The following REN variants were observed in gnomAD, a reference collection of about 807,000 sequenced individuals.
REN encodes angiotensin-forming enzyme.
Under a neutral mutation model 48.6 loss-of-function variants are expected in REN, and 42 were observed. The ratio of observed to expected loss-of-function variants is 0.86; its 90% CI spans 0.68 to 1.12. The LOEUF (loss-of-function observed/expected upper bound fraction) is 1.12. REN is among the 50% of genes most tolerant of loss of function. REN has a pLI of 0.00. For missense variants in REN, 443 were observed against 527.3 expected (o/e 0.84, Z 1.57); for synonymous variants, 196 against 204.6 (o/e 0.96, Z 0.36).
chr1:204,162,041 G>T lies in REN; in HGVS notation c.221C>A (p.Ser74Tyr), dbSNP rs536696119. The change falls in exon 2 of 10, where the codon TCC becomes TAC. Residue 74 changes from serine to tyrosine, a missense_variant. Physicochemically the swap from Ser to Tyr is moderately radical, Grantham distance 144. Coordinates refer to ENST00000272190, the MANE Select transcript of REN (RefSeq NM_000537.4). The stretch of plus-strand genomic sequence containing the variant: ...CATGTAGTTGGTGAGGATCACGGAG[G>T]AGGTGGTGTTGCCAAGTGTCAGCCT... Reference protein sequence around the residue: ...MKRLTLGNTTSSVILTNYMDT... With the variant: ...MKRLTLGNTTYSVILTNYMDT... The T allele has an allele frequency of 6.1e-5, 98 of 1,614,210 alleles. No individual in the cohort carries two copies. The highest frequency in any genetic ancestry group is 1.6e-4 in the Middle Eastern group (1 of 6,062).
chr1:204,161,481 C>T (rs1658246288), intron 2 of REN, 66 bp from the exon 3 acceptor site: 1 of 1,367,826 alleles, frequency 7.3e-7, no homozygotes, highest in Non-Finnish European at 9.5e-7. Flanking sequence ...TCTTGCCTGG[C>T]TTCACTCTTG....
intron 3 of REN, among the ~76,000 whole-genome samples, chr1:204,161,089 C>T (rs1002274717): frequency 5.3e-5 from 8 of 151,770 alleles, no homozygotes; most frequent in African/African-American, 9.7e-5. Context: ...GTTCTTGGAC[C>T]TTTTTTTGTT....
At chr1:204,158,501 T>C (rs1197496191) in intron 5 of REN, among the ~76,000 whole-genome samples, 1 of 149,224 alleles carries the variant, frequency 6.7e-6, no homozygotes, top group Non-Finnish European at 1.5e-5. Flanking sequence ...CACTGAAGCC[T>C]TAACTCCTGG....
Position 204,156,384 on chromosome 1 carries a change from A to G in REN, c.819-65T>C. 1.1e-6 allele frequency: 1 copy of G among 949,858 alleles called. No homozygotes were observed. The highest frequency in any genetic ancestry group is 1.6e-6 in the Non-Finnish European group (1 of 644,196). The allele number at this position is 949,858 out of a possible 1,614,324, so 58.8% of individuals were successfully genotyped here. A position where few individuals can be genotyped will look rare whatever the true frequency, so the allele number is the denominator to read the frequency against. The stretch of plus-strand genomic sequence containing the variant: ...GACAGAAGGCTGATGGGGCACCTCC[A>G]GGCTGCATGTCCTTCCTGAGTGTGG... On this transcript the variant is annotated intron_variant, in intron 7 of 9. Coordinates refer to ENST00000272190, the MANE Select transcript of REN (RefSeq NM_000537.4). This position sits in a 1 kb window ranked among gnomAD's most constrained non-coding sequence, Gnocchi z 4.2.
In REN at chr1:204,162,043, G is replaced by A. The variant is rs1368051610; in HGVS notation, c.219C>T (p.Thr73=). Residue 73 remains threonine (T), a synonymous_variant, in exon 2 of 10, where the codon ACC becomes ACT. Coordinates refer to ENST00000272190, the MANE Select transcript of REN (RefSeq NM_000537.4). ...TGTAGTTGGTGAGGATCACGGAGGA[G>A]GTGGTGTTGCCAAGTGTCAGCCTCT... The part of the protein sequence containing the change: ...PMKRLTLGNT[T]SSVILTNYMD... The A allele has an allele frequency of 6.2e-7, 1 of 1,614,070 alleles. No individual in the cohort carries two copies. Among genetic ancestry groups the A allele is most frequent in the East Asian group, 2.2e-5 (1 of 44,896 alleles).
chr1:204,166,106 G>A, intron 1 of REN, 90 bp downstream of exon 1: 1 of 1,055,688 alleles, frequency 9.5e-7, no homozygotes, highest in Non-Finnish European at 1.5e-6. Context: ...CGTAAGGACT[G>A]AATGACACCG....
chr1:204,162,560 C>T (rs11571107), intron 1 of REN, among the ~76,000 whole-genome samples: 2,396 of 152,286 alleles, frequency 0.016, 41 homozygotes, highest in African/African-American at 0.055. Context: ...CTCCACCTGG[C>T]GGGAGGACAG....
In REN at chr1:204,159,669, A is replaced by G. The variant is rs188447061; in HGVS notation, c.493-74T>C. The G allele has an allele frequency of 4.5e-6, 6 of 1,331,634 alleles. No homozygotes were observed. In the East Asian group the frequency reaches 1.2e-4, roughly 26 times the overall value. The allele number at this position is 1,331,634 out of a possible 1,614,324, so 82.5% of individuals were successfully genotyped here. ...GTTGGAGTCTGGTCTGGGCTTCCACACTAGGGATCCCAGGGGCACACATGC... is the reference window on the plus strand; with the variant it reads ...GTTGGAGTCTGGTCTGGGCTTCCACGCTAGGGATCCCAGGGGCACACATGC... On this transcript the variant is annotated intron_variant, in intron 4 of 9. Transcript: ENST00000272190.
At chr1:204,165,646 G>T (rs780757247) in intron 1 of REN, among the ~76,000 whole-genome samples, 3 of 151,598 alleles carry the variant, frequency 2.0e-5, no homozygotes, top group Non-Finnish European at 4.4e-5. Context: ...AGGCTGGAGT[G>T]CAGTGGCACG....
chr1:204,165,973 A>G (rs1170275569), intron 1 of REN, among the ~76,000 whole-genome samples: 2 of 152,304 alleles, frequency 1.3e-5, no homozygotes, highest in East Asian at 3.9e-4. Flanking sequence ...TACAGTGCTT[A>G]GTTAGCATGG....
intron 9 of REN, 57 bp from the exon 10 acceptor site, chr1:204,155,234 C>T: frequency 6.3e-7 from 1 of 1,588,566 alleles, no homozygotes; most frequent in Non-Finnish European, 8.6e-7. Flanking sequence ...CTCCTTTCAC[C>T]TTGCCTGACC....
In REN at chr1:204,159,547, G is replaced by T; in HGVS notation, c.541C>A (p.Pro181Thr). 6.2e-7 allele frequency: 1 copy of T among 1,614,156 alleles called. No homozygotes were observed. The highest frequency in any genetic ancestry group is 8.5e-7 in the Non-Finnish European group (1 of 1,180,048). Residue 181 changes from proline (P) to threonine (T), a missense_variant, in exon 5 of 10, where the codon CCC becomes ACC. Physicochemically the swap from Pro to Thr is conservative, Grantham distance 38 (BLOSUM62 -1). Transcript: ENST00000272190. ...TCGGCCAGCATGAAGGGTAAGGCGG[G>T]CATCTCCGTGACCTCTCCAAACATC... is the stretch of plus-strand genomic sequence containing the variant. ...TQMFGEVTEM[P>T]ALPFMLAEFD...
chr1:204,164,565 C>CTTTTTTTTTTTTTTTTTTTTTTT (rs748060874), intron 1 of REN, among the ~76,000 whole-genome samples: 1 of 93,714 alleles, frequency 1.1e-5, no homozygotes. Context: ...CTTCTTCAGT[C>CTTTTTTTTTTTTTTTTTTTTTTT]TTTTTTTTTT....
chr1:204,161,713 C>T (rs1658249258), intron 2 of REN, among the ~76,000 whole-genome samples: 1 of 152,010 alleles, frequency 6.6e-6, no homozygotes, highest in African/African-American at 2.4e-5. Context: ...TTGTGCTGGG[C>T]CAGGTCACAG....
In REN at chr1:204,159,404, G is replaced by C; in HGVS notation, c.684C>G (p.Tyr228Ter). ...VLKEDVFSFY[Y>*]NRDSENSQSL... ...CTTGGAGTCCCAGTCCCCACCTGTT[G>C]TAGTAGAAAGAGAAGACGTCCTCTT... Residue 228 changes from tyrosine (Y) to a stop codon, truncating the protein, a stop_gained, in exon 5 of 10, where the codon TAC becomes TAG. Transcript: ENST00000272190. LOFTEE classifies it high-confidence loss of function. The C allele has an allele frequency of 8.7e-6, 14 of 1,613,930 alleles. No homozygotes were observed. The highest frequency in any genetic ancestry group is 1.2e-5 in the Non-Finnish European group (14 of 1,179,902).
intron 4 of REN, 25 bp downstream of exon 4, chr1:204,160,535 G>T: frequency 6.6e-7 from 1 of 1,522,206 alleles, no homozygotes; most frequent in Non-Finnish European, 9.1e-7. Flanking sequence ...GTCCGGGGCA[G>T]ATGACCTAGG....
At position 204,155,843 on chromosome 1, in the gene REN, T is replaced by C; in HGVS notation, c.1036A>G (p.Thr346Ala). 1 of 1,614,062 alleles carries C rather than the reference T, an allele frequency of 6.2e-7. No homozygotes were observed. ...FHLGGKEYTL[T>A]SADYVFQESY... ...ACCTGAAATACATAGTCCGCGCTGG[T>C]GAGCGTGTATTCTTTGCCTCCCAGG... is the stretch of plus-strand genomic sequence containing the variant. The change falls in exon 9 of 10, where the codon ACC (threonine) becomes GCC (alanine). Residue 346 changes from threonine to alanine, a missense_variant. Coordinates refer to ENST00000272190, the MANE Select transcript of REN (RefSeq NM_000537.4).
At chr1:204,160,428 G>C (rs1261345367) in intron 4 of REN, 132 bp downstream of exon 4, 13 of 739,044 alleles carry the variant, frequency 1.8e-5, no homozygotes, top group Non-Finnish European at 3.0e-5. Flanking sequence ...TGGCAGAGTA[G>C]GGTGTTCCTC....
At chr1:204,159,211 T>A in intron 5 of REN, 188 bp downstream of exon 5, 1 of 681,528 alleles carries the variant, frequency 1.5e-6, no homozygotes, top group African/African-American at 1.8e-5. Flanking sequence ...GCTTAATTGA[T>A]GCTTAACTGT....
Sources: gnomAD v4.1 joint callset for allele counts (sites outside exome capture counted in the v4.1 genomes callset) on GRCh38, gnomAD v4.1.1 for gene constraint, Gnocchi (gnomAD v3.1) non-coding constraint, MANE v1.5 for transcripts, NCBI Gene and HGNC (gene_info 2026-07-23, HGNC 2026-07-21) for gene names.